MAP4K4: variants seen among roughly 807,000 people sequenced by gnomAD.
MAP4K4 encodes the protein HPK/GCK-like kinase HGK.
Under a neutral mutation model 189.6 loss-of-function variants are expected in MAP4K4, and 38 were observed. That is an observed-to-expected ratio of 0.20 (90% CI 0.15 to 0.26). The LOEUF is 0.26. Among genes scored for constraint, MAP4K4 ranks in the 10% least tolerant of loss-of-function variants. The probability of loss-of-function intolerance (pLI) is 1.00; values close to 1 mark genes in which losing one functional copy is unlikely to be tolerated. For missense variants in MAP4K4, 1,054 were observed against 1,726.9 expected (o/e 0.61, Z 6.91); for synonymous variants, 610 against 624.3 (o/e 0.98, Z 0.34).
exon 33 of MAP4K4, chr2:101,893,056 C>T (rs1289125664): frequency 2.2e-6 from 1 of 456,234 alleles, no homozygotes; most frequent in African/African-American, 2.0e-5. Flanking sequence ...CCCTCTGCTC[C>T]CACCCACCTA....
intron 2 of MAP4K4, among the ~76,000 whole-genome samples, chr2:101,700,194 A>C (rs1172287350): frequency 6.6e-6 from 1 of 152,232 alleles, no homozygotes; most frequent in African/African-American, 2.4e-5. Context: ...AAACCTTAAG[A>C]GAAAGGAAAG....
chr2:101,852,793 C>G (rs2097328010), intron 12 of MAP4K4, among the ~76,000 whole-genome samples: 1 of 152,102 alleles, frequency 6.6e-6, no homozygotes, highest in African/African-American at 2.4e-5. Context: ...TCCCCTGCCC[C>G]CAGCAGGTGC....
intron 3 of MAP4K4, among the ~76,000 whole-genome samples, chr2:101,818,633 C>A (rs1197546573): frequency 6.6e-6 from 1 of 152,228 alleles, no homozygotes; most frequent in East Asian, 1.9e-4. Context: ...ATACCATGCA[C>A]TCCTGTGTGC....
intron 18 of MAP4K4, 93 bp downstream of exon 18, chr2:101,865,129 C>A (rs750050834): frequency 1.4e-6 from 1 of 721,764 alleles, no homozygotes; most frequent in Non-Finnish European, 2.3e-6. Context: ...TAAACACAGA[C>A]GTTCTGGGGC....
intron 2 of MAP4K4, among the ~76,000 whole-genome samples, chr2:101,777,036 T>C (rs1057421549): frequency 2.0e-5 from 3 of 152,166 alleles, no homozygotes; most frequent in African/African-American, 7.2e-5. Context: ...ATATAGGCCT[T>C]AGACTTTAAC....
chr2:101,837,909 TA>T (rs1434134333), intron 9 of MAP4K4, among the ~76,000 whole-genome samples: 1 of 152,208 alleles, frequency 6.6e-6, no homozygotes, highest in Non-Finnish European at 1.5e-5. Context: ...AAACTTTCTT[TA>T]AACTGGGTTA....
intron 2 of MAP4K4, among the ~76,000 whole-genome samples, chr2:101,759,736 C>T (rs2075308178): frequency 3.1e-5 from 2 of 65,086 alleles, no homozygotes; most frequent in South Asian, 7.8e-4. Context: ...ATCCCCTTCC[C>T]CCCTCCCCCT....
At chr2:101,789,022 C>T (rs1425797711) in intron 2 of MAP4K4, among the ~76,000 whole-genome samples, 1 of 152,124 alleles carries the variant, frequency 6.6e-6, no homozygotes, top group Non-Finnish European at 1.5e-5. Context: ...AACACATTCC[C>T]AATGCAGCAT....
chr2:101,833,161 G>C (rs559819740), intron 7 of MAP4K4, among the ~76,000 whole-genome samples: 1 of 152,102 alleles, frequency 6.6e-6, no homozygotes, highest in Admixed American at 6.5e-5. Context: ...TGTTGTATTC[G>C]GATATATGTG....
At chr2:101,767,302 C>G (rs1441035880) in intron 2 of MAP4K4, among the ~76,000 whole-genome samples, 1 of 152,178 alleles carries the variant, frequency 6.6e-6, no homozygotes, top group Non-Finnish European at 1.5e-5. Flanking sequence ...CACATACTTG[C>G]AAATATGTTA....
At chr2:101,888,549 G>A (rs1338180220) in intron 31 of MAP4K4, among the ~76,000 whole-genome samples, 1 of 152,104 alleles carries the variant, frequency 6.6e-6, no homozygotes, top group Admixed American at 6.5e-5. Flanking sequence ...AATTTTTCTA[G>A]ATAGGCGTGA....
At chr2:101,827,426 AAGC>A (rs767899670) in intron 5 of MAP4K4, among the ~76,000 whole-genome samples, 2 of 152,206 alleles carry the variant, frequency 1.3e-5, no homozygotes, top group Non-Finnish European at 2.9e-5. Context: ...GGTAAAGAGA[AAGC>A]AGCATGATAA....
chr2:101,833,677 T>C (rs2096656410), intron 7 of MAP4K4, among the ~76,000 whole-genome samples: 1 of 151,878 alleles, frequency 6.6e-6, no homozygotes, highest in South Asian at 2.1e-4. Flanking sequence ...AGGCAATGTT[T>C]AGTGAGTACC....
At chr2:101,810,443 T>TG (rs2095347257) in intron 3 of MAP4K4, among the ~76,000 whole-genome samples, 1 of 152,314 alleles carries the variant, frequency 6.6e-6, no homozygotes, top group Non-Finnish European at 1.5e-5. Flanking sequence ...ATTAGCCTCT[T>TG]GCATTGGACT....
chr2:101,786,151 A>G (rs1463907084), intron 2 of MAP4K4, among the ~76,000 whole-genome samples: 2 of 152,008 alleles, frequency 1.3e-5, no homozygotes, highest in Non-Finnish European at 2.9e-5. Context: ...GGGATTTAAA[A>G]GCCTCCTTTT....
intron 2 of MAP4K4, among the ~76,000 whole-genome samples, chr2:101,707,285 T>A (rs1420150116): frequency 1.3e-5 from 2 of 151,540 alleles, no homozygotes; most frequent in Non-Finnish European, 2.9e-5. Context: ...CTTGGCTTAC[T>A]GTAGCCTCCG....
chr2:101,841,576 G>C (rs1165073534), intron 10 of MAP4K4, among the ~76,000 whole-genome samples: 1 of 151,664 alleles, frequency 6.6e-6, no homozygotes, highest in Non-Finnish European at 1.5e-5. Context: ...TCAAGTGATT[G>C]TCCTGCCTCA....
At chr2:101,870,125 G>T in intron 22 of MAP4K4, 170 bp from the exon 23 acceptor site, 1 of 693,236 alleles carries the variant, frequency 1.4e-6, no homozygotes, top group Non-Finnish European at 2.3e-6. Context: ...AAATGGCACT[G>T]GAAAGAAATT....
At chr2:101,724,767 G>T (rs551476179) in intron 2 of MAP4K4, among the ~76,000 whole-genome samples, 1 of 152,122 alleles carries the variant, frequency 6.6e-6, no homozygotes, top group Non-Finnish European at 1.5e-5. Flanking sequence ...TATGGATGAG[G>T]CCCAGAAATC....
Sources: allele counts gnomAD v4.1 joint callset (sites outside exome capture counted in the v4.1 genomes callset), GRCh38; gene constraint gnomAD v4.1.1; transcripts MANE v1.5; gene names NCBI Gene and HGNC (gene_info 2026-07-23, HGNC 2026-07-21).